Variants in ANKS1B observed in about 807,000 individuals in gnomAD.
The protein encoded by ANKS1B is ankyrin repeat and sterile alpha motif domain-containing protein 1B.
Under a neutral mutation model 148.3 loss-of-function variants are expected in ANKS1B, and 36 were observed. The ratio of observed to expected loss-of-function variants is 0.24; its 90% confidence interval spans 0.19 to 0.32. The LOEUF is 0.32. Among genes scored for constraint, ANKS1B ranks in the 10% least tolerant of loss-of-function variants. The pLI is 1.00. For missense variants in ANKS1B, 1,157 were observed against 1,542.6 expected (o/e 0.75, Z 4.19); for synonymous variants, 542 against 560.8 (o/e 0.97, Z 0.47).
intron 10 of ANKS1B, among the ~76,000 whole-genome samples, chr12:99,468,109 G>C (rs2152891701): frequency 6.6e-6 from 1 of 152,194 alleles, no homozygotes; most frequent in African/African-American, 2.4e-5. Flanking sequence ...CAATGGAACA[G>C]AACAGAGCCC....
intron 20 of ANKS1B, among the ~76,000 whole-genome samples, chr12:98,804,483 C>A (rs772896052): frequency 2.7e-5 from 4 of 146,036 alleles, no homozygotes; most frequent in Non-Finnish European, 6.0e-5. Flanking sequence ...GATGTTAATT[C>A]TTCTTTTTGG....
chr12:99,568,494 C>T (rs1428334949), intron 9 of ANKS1B, among the ~76,000 whole-genome samples: 1 of 152,204 alleles, frequency 6.6e-6, no homozygotes, highest in African/African-American at 2.4e-5. Flanking sequence ...TCAGGGGTCT[C>T]ATTTTGGTTA....
chr12:99,804,244 T>G (rs938546847), intron 4 of ANKS1B, among the ~76,000 whole-genome samples: 5 of 152,214 alleles, frequency 3.3e-5, no homozygotes, highest in African/African-American at 1.2e-4. Context: ...TCAACATTTA[T>G]ACAATAAACA....
chr12:99,105,860 G>A (rs996624889), intron 15 of ANKS1B, among the ~76,000 whole-genome samples: 4 of 151,930 alleles, frequency 2.6e-5, no homozygotes, highest in Admixed American at 2.0e-4. Flanking sequence ...GAGGGGTTAA[G>A]GAAATCAGGC....
At chr12:99,633,467 C>T (rs556010200) in intron 9 of ANKS1B, among the ~76,000 whole-genome samples, 27 of 152,230 alleles carry the variant, frequency 1.8e-4, no homozygotes, top group African/African-American at 6.3e-4. Flanking sequence ...CTTCCTTACA[C>T]CTTATACAAA....
At chr12:98,942,955 G>C (rs1227344130) in intron 17 of ANKS1B, among the ~76,000 whole-genome samples, 1 of 152,140 alleles carries the variant, frequency 6.6e-6, no homozygotes. Context: ...TACAAGAATA[G>C]TGAGGAGTTC....
intron 9 of ANKS1B, among the ~76,000 whole-genome samples, chr12:99,606,022 C>G (rs2097848741): frequency 6.6e-6 from 1 of 152,038 alleles, no homozygotes; most frequent in Non-Finnish European, 1.5e-5. Flanking sequence ...TTGATAATAA[C>G]CATTCTAATT....
intron 9 of ANKS1B, among the ~76,000 whole-genome samples, chr12:99,557,442 T>C (rs556199004): frequency 1.3e-5 from 2 of 152,306 alleles, no homozygotes; most frequent in African/African-American, 2.4e-5. Context: ...CTCAGTGTGA[T>C]CTATTTGTGC....
At chr12:99,755,994 A>G (rs1453807449) in intron 8 of ANKS1B, among the ~76,000 whole-genome samples, 1 of 152,122 alleles carries the variant, frequency 6.6e-6, no homozygotes, top group East Asian at 1.9e-4. Flanking sequence ...ATCATACTGA[A>G]CGAGCAAAAG....
chr12:98,928,373 C>T (rs1479356663), intron 17 of ANKS1B, among the ~76,000 whole-genome samples: 2 of 151,008 alleles, frequency 1.3e-5, no homozygotes. Flanking sequence ...AGAATTAACA[C>T]CAATTTCATA....
At chr12:99,473,007 CTAT>C (rs987649032) in intron 10 of ANKS1B, among the ~76,000 whole-genome samples, 1 of 151,928 alleles carries the variant, frequency 6.6e-6, no homozygotes, top group African/African-American at 2.4e-5. Flanking sequence ...CAAATATTGG[CTAT>C]TATTTTTTAA....
At chr12:99,236,594 T>C (rs1169375200) in intron 14 of ANKS1B, among the ~76,000 whole-genome samples, 1 of 152,168 alleles carries the variant, frequency 6.6e-6, no homozygotes, top group Non-Finnish European at 1.5e-5. Context: ...CATATCAGGA[T>C]TACAATTCAA....
intron 10 of ANKS1B, among the ~76,000 whole-genome samples, chr12:99,496,571 C>A (rs2096606579): frequency 6.6e-6 from 1 of 152,184 alleles, no homozygotes; most frequent in African/African-American, 2.4e-5. Context: ...CAATCTTATT[C>A]TTTACTTCAT....
chr12:99,922,313 C>A (rs1184424080), intron 1 of ANKS1B, among the ~76,000 whole-genome samples: 1 of 152,010 alleles, frequency 6.6e-6, no homozygotes, highest in Admixed American at 6.6e-5. Context: ...ATTCTTCCAA[C>A]AGGTGATAAA....
At chr12:99,889,131 A>G (rs1473585348) in intron 1 of ANKS1B, among the ~76,000 whole-genome samples, 1 of 152,202 alleles carries the variant, frequency 6.6e-6, no homozygotes, top group East Asian at 1.9e-4. Context: ...TCCTCCCATC[A>G]GCCACATAAT....
At chr12:99,658,020 A>C (rs2098458643) in intron 8 of ANKS1B, among the ~76,000 whole-genome samples, 1 of 152,018 alleles carries the variant, frequency 6.6e-6, no homozygotes, top group South Asian at 2.1e-4. Context: ...TTCTATAGTC[A>C]AATGATTTTT....
chr12:99,894,513 A>AC (rs1406880467), intron 1 of ANKS1B, among the ~76,000 whole-genome samples: 1 of 137,854 alleles, frequency 7.3e-6, no homozygotes, highest in African/African-American at 2.7e-5. Context: ...TGTCTCAAAA[A>AC]AAAAAAAAAA....
At chr12:98,912,510 C>G (rs2099788180) in intron 17 of ANKS1B, among the ~76,000 whole-genome samples, 1 of 152,210 alleles carries the variant, frequency 6.6e-6, no homozygotes. Flanking sequence ...CCATGCTTCT[C>G]TCTGCTAGAC....
chr12:99,192,313 G>A (rs2080843740), intron 14 of ANKS1B, among the ~76,000 whole-genome samples: 1 of 151,962 alleles, frequency 6.6e-6, no homozygotes, highest in Admixed American at 6.6e-5. Context: ...AGTATTTTCA[G>A]TTCAATACTT....
Sources: allele counts gnomAD v4.1 joint callset (sites outside exome capture counted in the v4.1 genomes callset), GRCh38; gene constraint gnomAD v4.1.1; transcripts MANE v1.5; gene names NCBI Gene and HGNC (gene_info 2026-07-23, HGNC 2026-07-21).